Variants in WNT3 observed in about 807,000 individuals in gnomAD.
WNT3 encodes proto-oncogene Wnt-3.
A neutral mutation model predicts 34.2 loss-of-function variants in WNT3; 7 were observed. The observed-to-expected ratio is 0.20, with a 90% CI of 0.12 to 0.38. The LOEUF is 0.38. WNT3 is among the 10% of genes least tolerant of loss of function. The pLI is 1.00. For synonymous variants in WNT3, 212 were observed against 211.5 expected, an observed-to-expected ratio of 1.00 and a Z score of -0.02; for missense variants, 267 against 499.8, an observed-to-expected ratio of 0.53 and a Z score of 4.44.
chr17:46,808,556 G>A (rs189426184), intron 1 of WNT3, among the ~76,000 whole-genome samples: 10 of 152,328 alleles, frequency 6.6e-5, no homozygotes, highest in South Asian at 2.1e-4. Context: ...TGCCCAGGCT[G>A]CACTGTGGGA....
At chr17:46,777,822 A>C (rs1185693540) in intron 1 of WNT3, among the ~76,000 whole-genome samples, 3 of 152,234 alleles carry the variant, frequency 2.0e-5, no homozygotes, top group Non-Finnish European at 4.4e-5. Flanking sequence ...TCTGACTCCC[A>C]GTGTGATGTC....
At chr17:46,793,254 A>G (rs1028904167) in intron 1 of WNT3, among the ~76,000 whole-genome samples, 1 of 140,700 alleles carries the variant, frequency 7.1e-6, no homozygotes, top group Admixed American at 7.4e-5. Context: ...AGCCTGGGCA[A>G]CAGAGTGAGA....
At chr17:46,771,747 G>C (rs1439504544) in intron 2 of WNT3, among the ~76,000 whole-genome samples, 1 of 97,910 alleles carries the variant, frequency 1.0e-5, no homozygotes, top group African/African-American at 3.7e-5. Context: ...CCATTGAAGC[G>C]GCGCCCCCCG....
intron 4 of WNT3, among the ~76,000 whole-genome samples, chr17:46,767,505 G>A (rs879355610): frequency 2.6e-5 from 4 of 152,094 alleles, no homozygotes; most frequent in African/African-American, 4.8e-5. Context: ...ATTTTGGCTC[G>A]CTGCTTGAGG....
intron 1 of WNT3, among the ~76,000 whole-genome samples, chr17:46,784,775 TTC>T (rs201113458): frequency 1.1e-4 from 10 of 90,516 alleles, no homozygotes; most frequent in East Asian, 9.2e-4. Flanking sequence ...CTTTTTGCTT[TTC>T]TTTTTTTTTT....
At chr17:46,779,110 C>T (rs1334566276) in intron 1 of WNT3, among the ~76,000 whole-genome samples, 1 of 150,516 alleles carries the variant, frequency 6.6e-6, no homozygotes, top group Admixed American at 6.7e-5. Context: ...CACACCCCAG[C>T]CCACTCGGCC....
chr17:46,785,394 A>G (rs1160387456), intron 1 of WNT3, among the ~76,000 whole-genome samples: 1 of 152,210 alleles, frequency 6.6e-6, no homozygotes, highest in Non-Finnish European at 1.5e-5. Flanking sequence ...GTGGAAGGGG[A>G]TATCCCAGGC....
chr17:46,786,373 G>C (rs1317479558), intron 1 of WNT3, among the ~76,000 whole-genome samples: 1 of 152,224 alleles, frequency 6.6e-6, no homozygotes, highest in African/African-American at 2.4e-5. Flanking sequence ...TGGCACCCCA[G>C]AGGAACCCCA....
chr17:46,811,613 G>T (rs924763150), intron 1 of WNT3, among the ~76,000 whole-genome samples: 14 of 152,294 alleles, frequency 9.2e-5, no homozygotes, highest in Admixed American at 9.2e-4. Context: ...CCAGGCAGCA[G>T]CAGGACAGGG....
chr17:46,773,602 A>T (rs2059391516), intron 2 of WNT3, 66 bp downstream of exon 2: 3 of 1,428,666 alleles, frequency 2.1e-6, no homozygotes, highest in Middle Eastern at 2.6e-4. Context: ...CTGGGGTGGA[A>T]GGGCATACAG....
chr17:46,786,586 G>T (rs977451768), intron 1 of WNT3, among the ~76,000 whole-genome samples: 3 of 152,240 alleles, frequency 2.0e-5, no homozygotes, highest in Admixed American at 2.0e-4. Flanking sequence ...GCTGAGAGCT[G>T]GGTCCGTTTC....
chr17:46,768,134 C>T lies in WNT3; in HGVS notation c.*8+178G>A, dbSNP rs546256250. Among the ~76,000 whole-genome samples, 1 of 152,302 alleles carries T rather than the reference C, an allele frequency of 6.6e-6. No individual in the cohort carries two copies. The highest frequency in any genetic ancestry group is 2.1e-4 in the South Asian group (1 of 4,818). The stretch of plus-strand genomic sequence containing the variant: ...CTTTGTGCAATCCACCAAGTCTCTG[C>T]CCAAGGACCATTCCCACGGATGCTT... On this transcript the variant is annotated intron_variant, in intron 4 of 4. Coordinates refer to ENST00000225512, the MANE Select transcript of WNT3 (RefSeq NM_030753.5). The surrounding 1 kb of genome is among the most constrained non-coding windows in gnomAD (Gnocchi z 5.0).
chr17:46,814,726 T>A (rs2146471124), intron 1 of WNT3, among the ~76,000 whole-genome samples: 1 of 152,298 alleles, frequency 6.6e-6, no homozygotes, highest in African/African-American at 2.4e-5. Context: ...TCCCCCGCAG[T>A]CTCCAGGTGC....
intron 1 of WNT3, among the ~76,000 whole-genome samples, chr17:46,804,705 C>T (rs1410137958): frequency 2.0e-5 from 3 of 152,176 alleles, no homozygotes; most frequent in Non-Finnish European, 2.9e-5. Context: ...TGAGGCCAGC[C>T]GGACTTCCTG....
intron 1 of WNT3, among the ~76,000 whole-genome samples, chr17:46,798,935 C>T (rs1208773905): frequency 1.3e-5 from 2 of 151,204 alleles, no homozygotes; most frequent in Non-Finnish European, 2.9e-5. Context: ...GTAGTCCCAG[C>T]TACTTAGGAG....
At chr17:46,807,155 C>A (rs1445207039) in intron 1 of WNT3, among the ~76,000 whole-genome samples, 1 of 152,170 alleles carries the variant, frequency 6.6e-6, no homozygotes, top group Non-Finnish European at 1.5e-5. Flanking sequence ...GAAGACAAGA[C>A]CTTTGTAGAC....
At chr17:46,817,437 G>C (rs2084366813) in intron 1 of WNT3, among the ~76,000 whole-genome samples, 1 of 152,102 alleles carries the variant, frequency 6.6e-6, no homozygotes, top group East Asian at 1.9e-4. Context: ...AAGTTTTCCG[G>C]AATGTAGGGG....
intron 1 of WNT3, among the ~76,000 whole-genome samples, chr17:46,804,258 T>C (rs1207519072): frequency 6.6e-6 from 1 of 152,002 alleles, no homozygotes; most frequent in Non-Finnish European, 1.5e-5. Flanking sequence ...CGGCTAATTT[T>C]TGTATTTTTA....
At chr17:46,781,665 A>G (rs199506) in intron 1 of WNT3, among the ~76,000 whole-genome samples, 127,911 of 152,140 alleles carry the variant, frequency 0.84, 54,079 homozygotes, top group East Asian at 1. Context: ...GGTGATGGTC[A>G]CACAGCATTG....
Sources: allele counts gnomAD v4.1 joint callset (sites outside exome capture counted in the v4.1 genomes callset), GRCh38; gene constraint gnomAD v4.1.1; non-coding constraint Gnocchi (gnomAD v3.1); transcripts MANE v1.5; gene names NCBI Gene and HGNC (gene_info 2026-07-23, HGNC 2026-07-21).